Variants in TRIM43B observed in about 807,000 individuals in gnomAD.
TRIM43B encodes tripartite motif-containing protein 43B.
In TRIM43B, 15 loss-of-function variants were observed where a neutral mutation model predicts 27.0. The ratio of observed to expected loss-of-function variants is 0.55; its 90% CI spans 0.37 to 0.85. The LOEUF (loss-of-function observed/expected upper bound fraction) is 0.85. TRIM43B is among the 40% of genes least tolerant of loss of function. TRIM43B has a pLI of 0.00. For missense variants in TRIM43B, 172 were observed against 289.8 expected (o/e 0.59, Z 2.95); for synonymous variants, 69 against 97.8 (o/e 0.71, Z 1.74).
chr2:95,484,067 T>TAAAAAAAAA (rs1558814836), intron 1 of TRIM43B, among the ~76,000 whole-genome samples: 1 of 109,470 alleles, frequency 9.1e-6, no homozygotes. Context: ...TTATATAAAT[T>TAAAAAAAAA]TAAAAAAAAA....
chr2:95,481,703 T>G lies in TRIM43B; in HGVS notation c.412-13A>C, dbSNP rs573944242. 6.2e-7 allele frequency: 1 copy of G among 1,609,848 alleles called. No individual in the cohort carries two copies. The highest frequency in any genetic ancestry group is 1.3e-5 in the African/African-American group (1 of 74,806). On this transcript the variant is annotated splice_polypyrimidine_tract_variant and intron_variant, in intron 2 of 6. Coordinates refer to ENST00000639673, the Ensembl canonical transcript of TRIM43B. ...TTAAGAGTTTCTCCTGCAAAAGAAT[T>G]AAAGGTTGAACAGAAAGTCAAATAC...
chr2:95,481,548 C>T (rs988873198), intron 3 of TRIM43B, 47 bp downstream of exon 3: 19 of 1,456,906 alleles, frequency 1.3e-5, no homozygotes, highest in Non-Finnish European at 1.6e-5. Context: ...ATGTTGTCAG[C>T]ATGCCTGTCT....
At chr2:95,481,829 T>G in intron 2 of TRIM43B, 139 bp from the exon 3 acceptor site, 1 of 726,968 alleles carries the variant, frequency 1.4e-6, no homozygotes. Flanking sequence ...TGCTCATCCT[T>G]AATTGATATT....
chr2:95,481,675 G>A lies in TRIM43B; in HGVS notation c.427C>T (p.Gln143Ter), dbSNP rs932792632. ...ATCTTTTTCCATAAAATCCTCATTT[G>A]CTTTAAGAGTTTCTCCTGCAAAAGA... The change falls in exon 3 of 7, where the codon CAA becomes TAA. Residue 143 changes from glutamine (Q) to a stop codon, truncating the protein, a stop_gained. Transcript: ENST00000639673. LOFTEE classifies it high-confidence loss of function. 1 of 1,611,066 alleles carries A rather than the reference G, an allele frequency of 6.2e-7. No individual in the cohort carries two copies. The highest frequency in any genetic ancestry group is 8.5e-7 in the Non-Finnish European group (1 of 1,179,058).
At chr2:95,480,670 C>G in intron 3 of TRIM43B, 135 bp from the exon 4 acceptor site, 1 of 664,014 alleles carries the variant, frequency 1.5e-6, no homozygotes, top group South Asian at 2.0e-5. Flanking sequence ...GCAAGACCTT[C>G]CTTCAAAATT....
intron 3 of TRIM43B, 105 bp downstream of exon 3, chr2:95,481,490 A>C (rs969836968): frequency 2.3e-6 from 2 of 878,410 alleles, no homozygotes; most frequent in African/African-American, 3.4e-5. Flanking sequence ...GAATAAACAC[A>C]TGACAAAATC....
At chr2:95,481,015 A>G (rs1008795735) in intron 3 of TRIM43B, among the ~76,000 whole-genome samples, 3 of 152,064 alleles carry the variant, frequency 2.0e-5, no homozygotes, top group African/African-American at 4.8e-5. Context: ...TGTCAAATCC[A>G]TAGACTCTGT....
chr2:95,480,390 T>G, exon 4 of TRIM43B: 2 of 1,609,540 alleles, frequency 1.2e-6, no homozygotes, highest in Non-Finnish European at 1.7e-6. Context: ...TTGATCCATT[T>G]TGACCCAACT....
intron 2 of TRIM43B, 89 bp from the exon 3 acceptor site, chr2:95,481,779 A>G (rs1453544850): frequency 1.4e-6 from 2 of 1,381,542 alleles, no homozygotes; most frequent in Admixed American, 5.3e-5. Context: ...TCTAATATAT[A>G]AATACATTAG....
intron 3 of TRIM43B, 40 bp from the exon 4 acceptor site, chr2:95,480,575 T>A (rs1282075430): frequency 6.2e-7 from 1 of 1,601,878 alleles, no homozygotes; most frequent in Non-Finnish European, 8.5e-7. Flanking sequence ...TACCCAGGCC[T>A]ACTTCCACCT....
chr2:95,483,672 C>G (rs569233763), intron 1 of TRIM43B, among the ~76,000 whole-genome samples: 2 of 151,714 alleles, frequency 1.3e-5, no homozygotes, highest in South Asian at 4.2e-4. Flanking sequence ...CTAAAAAATA[C>G]AAAAAATTAG....
chr2:95,482,599 A>C (rs917384450), exon 2 of TRIM43B: 11 of 1,613,508 alleles, frequency 6.8e-6, no homozygotes, highest in Non-Finnish European at 9.3e-6. Flanking sequence ...CGAAAGGCAG[A>C]GACAGGGCCT....
At chr2:95,482,381 A>G (rs561398896) in exon 2 of TRIM43B, 357 of 1,606,362 alleles carry the variant, frequency 2.2e-4, no homozygotes, top group Non-Finnish European at 2.8e-4. Context: ...CACAGCAAGC[A>G]GAGGAGACTC....
intron 3 of TRIM43B, among the ~76,000 whole-genome samples, chr2:95,481,232 T>C (rs1683515891): frequency 6.6e-6 from 1 of 152,118 alleles, no homozygotes; most frequent in Non-Finnish European, 1.5e-5. Context: ...CTTAAATTAC[T>C]GTTCCCACCC....
exon 1 of TRIM43B, chr2:95,484,684 T>G (rs1047722387): frequency 1.3e-5 from 2 of 151,982 alleles, no homozygotes; most frequent in African/African-American, 4.8e-5. Flanking sequence ...AGTCTCACAG[T>G]GCAGTGCTGG....
Position 95,481,580 on chromosome 2 carries a change from C to A in TRIM43B, c.507+15G>T, listed in dbSNP as rs750487407. 1.2e-5 allele frequency: 19 copies of A among 1,600,132 alleles called. No individual in the cohort carries two copies. In the African/African-American group the frequency reaches 1.6e-4, roughly 14 times the overall value. ...GTCTCAAGCTGGTCAGGAGGACTCA[C>A]GGTCTCATACTTACCCTCAAGAGGA... On this transcript the variant is annotated intron_variant, in intron 3 of 6. Transcript: ENST00000639673.
chr2:95,484,068 TAAAAA>T (rs33962775), intron 1 of TRIM43B, among the ~76,000 whole-genome samples: 1 of 108,420 alleles, frequency 9.2e-6, no homozygotes, highest in Admixed American at 9.7e-5. Context: ...TATATAAATT[TAAAAA>T]AAAAAAAAAA....
chr2:95,482,264 C>T, intron 2 of TRIM43B, 40 bp downstream of exon 2: 2 of 1,590,820 alleles, frequency 1.3e-6, no homozygotes, highest in South Asian at 1.1e-5. Flanking sequence ...TTAACTCTGC[C>T]ACCCTCCAGC....
At chr2:95,482,776 G>C in intron 1 of TRIM43B, 58 bp from the exon 2 acceptor site, 1 of 1,541,650 alleles carries the variant, frequency 6.5e-7, no homozygotes, top group South Asian at 1.3e-5. Context: ...AAAGATCCAA[G>C]CAAAGTTTGA....
Sources: gnomAD v4.1 joint callset for allele counts (sites outside exome capture counted in the v4.1 genomes callset) on GRCh38, gnomAD v4.1.1 for gene constraint, MANE v1.5 for transcripts, NCBI Gene and HGNC (gene_info 2026-07-23, HGNC 2026-07-21) for gene names.